FMN2: variants seen among roughly 807,000 people sequenced by gnomAD.
FMN2 encodes formin 2, also known as formin-2.
A neutral mutation model predicts 142.3 loss-of-function variants in FMN2; 51 were observed. The observed-to-expected ratio is 0.36, with a 90% CI of 0.29 to 0.45. The LOEUF is 0.45. Ranked by LOEUF, FMN2 falls within the 20% of genes least tolerant of loss-of-function variation. The pLI, the probability that FMN2 is intolerant of heterozygous loss-of-function variation, is 1.00. For missense variants in FMN2, 1,936 were observed against 2,122.8 expected (o/e 0.91, Z 1.73); for synonymous variants, 882 against 869.8 (o/e 1.01, Z -0.25).
At chr1:240,427,769 A>T (rs538305597) in intron 15 of FMN2, among the ~76,000 whole-genome samples, 128 of 152,280 alleles carry the variant, frequency 8.4e-4, no homozygotes, top group African/African-American at 2.9e-3. Flanking sequence ...TTAGCTCTAG[A>T]TACTCGATCA....
intron 2 of FMN2, among the ~76,000 whole-genome samples, chr1:240,162,008 T>C (rs1382105329): frequency 6.6e-6 from 1 of 151,868 alleles, no homozygotes; most frequent in Non-Finnish European, 1.5e-5. Flanking sequence ...GGCTCACACA[T>C]GTAATCCCAG....
chr1:240,338,624 C>G (rs1671642820), intron 13 of FMN2, among the ~76,000 whole-genome samples: 1 of 152,160 alleles, frequency 6.6e-6, no homozygotes, highest in African/African-American at 2.4e-5. Context: ...TGGATCCTCA[C>G]TTAGTTCAGC....
At chr1:240,096,812 A>C (rs1424875368) in intron 1 of FMN2, among the ~76,000 whole-genome samples, 1 of 152,232 alleles carries the variant, frequency 6.6e-6, no homozygotes, top group South Asian at 2.1e-4. Context: ...TCTATGGCAC[A>C]TGTCTGTGTC....
intron 6 of FMN2, among the ~76,000 whole-genome samples, chr1:240,217,151 T>C (rs1006769463): frequency 6.6e-6 from 1 of 152,228 alleles, no homozygotes; most frequent in African/African-American, 2.4e-5. Context: ...TGCCTGCCAC[T>C]GTATTATTGG....
intron 6 of FMN2, among the ~76,000 whole-genome samples, chr1:240,227,823 T>C (rs1437329988): frequency 6.6e-6 from 1 of 152,130 alleles, no homozygotes; most frequent in African/African-American, 2.4e-5. Flanking sequence ...AAAAATAGAT[T>C]ATTCTACATC....
At chr1:240,333,333 T>C (rs918232741) in intron 11 of FMN2, among the ~76,000 whole-genome samples, 22 of 152,298 alleles carry the variant, frequency 1.4e-4, no homozygotes, top group Middle Eastern at 3.4e-3. Flanking sequence ...ATTGCTGATA[T>C]AACAAATTAT....
intron 16 of FMN2, among the ~76,000 whole-genome samples, chr1:240,445,699 A>T (rs1675780732): frequency 9.6e-6 from 1 of 104,582 alleles, no homozygotes; most frequent in East Asian, 2.6e-4. Context: ...AAGCCATCAA[A>T]GGGTTTTTTT....
At chr1:240,147,039 T>C (rs1571983558) in intron 2 of FMN2, among the ~76,000 whole-genome samples, 1 of 152,198 alleles carries the variant, frequency 6.6e-6, no homozygotes, top group East Asian at 1.9e-4. Flanking sequence ...ATTTGGTTTT[T>C]TCAGTTTAGT....
chr1:240,119,212 C>T (rs1480554302), intron 1 of FMN2, among the ~76,000 whole-genome samples: 1 of 151,846 alleles, frequency 6.6e-6, no homozygotes, highest in African/African-American at 2.4e-5. Context: ...GCCTGTAATC[C>T]CGGCTACTCA....
intron 6 of FMN2, among the ~76,000 whole-genome samples, chr1:240,228,303 CAAAAAAA>C (rs577421634): frequency 6.1e-4 from 29 of 47,752 alleles, no homozygotes; most frequent in Middle Eastern, 0.019. Flanking sequence ...AACTCTGTCT[CAAAAAAA>C]AAAAAAAAAA....
intron 3 of FMN2, among the ~76,000 whole-genome samples, chr1:240,187,373 A>G (rs1665521807): frequency 6.6e-6 from 1 of 151,940 alleles, no homozygotes; most frequent in African/African-American, 2.4e-5. Flanking sequence ...CAGGGGTGCA[A>G]CGCGACAGTC....
At chr1:240,364,070 T>C (rs1371529255) in intron 14 of FMN2, among the ~76,000 whole-genome samples, 2 of 152,210 alleles carry the variant, frequency 1.3e-5, no homozygotes, top group Admixed American at 1.3e-4. Flanking sequence ...AAGCCATTTA[T>C]ACTCCAGGCA....
chr1:240,105,021 G>T (rs2103183427), intron 1 of FMN2, among the ~76,000 whole-genome samples: 2 of 150,240 alleles, frequency 1.3e-5, no homozygotes, highest in Middle Eastern at 6.8e-3. Context: ...AAGTGGAATT[G>T]TCAGGTCATT....
chr1:240,348,323 G>A (rs1034555396), intron 13 of FMN2, among the ~76,000 whole-genome samples: 1 of 151,454 alleles, frequency 6.6e-6, no homozygotes, highest in Non-Finnish European at 1.5e-5. Flanking sequence ...CCGGGTTCAA[G>A]TGATTCTCGT....
intron 8 of FMN2, among the ~76,000 whole-genome samples, chr1:240,303,511 A>G (rs1670277574): frequency 6.6e-6 from 1 of 152,282 alleles, no homozygotes; most frequent in South Asian, 2.1e-4. Flanking sequence ...CAAATTTGTG[A>G]CAAGAAATCT....
At chr1:240,101,415 G>C (rs1163061805) in intron 1 of FMN2, among the ~76,000 whole-genome samples, 1 of 152,132 alleles carries the variant, frequency 6.6e-6, no homozygotes, top group East Asian at 1.9e-4. Flanking sequence ...TTTTGACTTT[G>C]ATAGTTTTGA....
chr1:240,118,096 GT>G (rs1662094319), intron 1 of FMN2, among the ~76,000 whole-genome samples: 2 of 152,190 alleles, frequency 1.3e-5, no homozygotes, highest in Non-Finnish European at 2.9e-5. Flanking sequence ...AGCTCAGTGT[GT>G]TTGAGGAGGA....
At chr1:240,324,660 C>A (rs1671094206) in intron 8 of FMN2, among the ~76,000 whole-genome samples, 1 of 146,214 alleles carries the variant, frequency 6.8e-6, no homozygotes, top group Non-Finnish European at 1.5e-5. Flanking sequence ...CAGAGTGAGA[C>A]CCTGTCGAAA....
Position 240,246,249 on chromosome 1 carries a change from C to T in FMN2, c.4066-11696C>T, listed in dbSNP as rs559968248. On this transcript the variant is annotated intron_variant, in intron 6 of 17. Coordinates refer to ENST00000319653, the MANE Select transcript of FMN2 (RefSeq NM_020066.5). ...AGCCTTTTGAAGGCTGCGCTTTTAT[C>T]GCTCTCCGCATTCTGTTGTCCGTAA... Among the ~76,000 whole-genome samples, 11 of 152,278 alleles carry T rather than the reference C, an allele frequency of 7.2e-5. No individual in the cohort carries two copies. In the East Asian group the frequency reaches 1.5e-3, roughly 21 times the overall value.
Sources: gnomAD v4.1 joint callset for allele counts (sites outside exome capture counted in the v4.1 genomes callset) on GRCh38, gnomAD v4.1.1 for gene constraint, MANE v1.5 for transcripts, NCBI Gene and HGNC (gene_info 2026-07-23, HGNC 2026-07-21) for gene names.